The following GNG4 variants were observed in gnomAD, a reference collection of about 807,000 sequenced individuals.
GNG4 encodes G protein subunit gamma 4.
Under a neutral mutation model 5.8 loss-of-function variants are expected in GNG4, and 4 were observed. The ratio of observed to expected loss-of-function variants is 0.69; its 90% confidence interval spans 0.34 to 1.57. The LOEUF (loss-of-function observed/expected upper bound fraction) is 1.57. Ranked by LOEUF, GNG4 falls within the 40% of genes most tolerant of loss-of-function variation. GNG4 has a pLI of 0.06. For synonymous variants in GNG4, 29 were observed against 32.9 expected, an observed-to-expected ratio of 0.88 and a Z score of 0.41; for missense variants, 96 against 95.1, an observed-to-expected ratio of 1.01 and a Z score of -0.04.
intron 2 of GNG4, among the ~76,000 whole-genome samples, chr1:235,587,919 AGT>A (rs1558486793): frequency 6.7e-6 from 1 of 149,896 alleles, no homozygotes; most frequent in Admixed American, 6.6e-5. Flanking sequence ...TGTGGGTATA[AGT>A]GTGAGTCCTT....
At chr1:235,569,859 C>T (rs1687291902) in intron 3 of GNG4, among the ~76,000 whole-genome samples, 1 of 152,122 alleles carries the variant, frequency 6.6e-6, no homozygotes, top group Admixed American at 6.5e-5. Flanking sequence ...AGCCACTGCG[C>T]CTGGCCTCTT....
intron 3 of GNG4, chr1:235,566,994 T>A (rs2102923527): frequency 6.6e-6 from 1 of 152,110 alleles, no homozygotes; most frequent in Admixed American, 6.6e-5. Context: ...CTGGCTGGAG[T>A]GCAGTGGTGA....
At chr1:235,559,749 T>G (rs757930625) in intron 3 of GNG4, among the ~76,000 whole-genome samples, 1 of 152,254 alleles carries the variant, frequency 6.6e-6, no homozygotes, top group Non-Finnish European at 1.5e-5. Context: ...CTCTGAACCC[T>G]TAAGTCAAAT....
At chr1:235,614,475 G>C (rs987989858) in intron 1 of GNG4, among the ~76,000 whole-genome samples, 7 of 151,918 alleles carry the variant, frequency 4.6e-5, no homozygotes, top group African/African-American at 1.7e-4. Flanking sequence ...TAAAGCAAAA[G>C]CTGAGGTCAG....
At chr1:235,575,742 T>C (rs890989407) in intron 3 of GNG4, among the ~76,000 whole-genome samples, 7 of 152,206 alleles carry the variant, frequency 4.6e-5, no homozygotes, top group African/African-American at 1.7e-4. Context: ...CAGAGCCTCA[T>C]GAGCCACAGA....
intron 1 of GNG4, among the ~76,000 whole-genome samples, chr1:235,633,892 C>T (rs1363262577): frequency 1.3e-5 from 2 of 152,192 alleles, no homozygotes; most frequent in South Asian, 4.1e-4. Flanking sequence ...AAAATGTACA[C>T]ATGGCCCAGC....
intron 2 of GNG4, among the ~76,000 whole-genome samples, chr1:235,591,752 G>A (rs1222358066): frequency 6.6e-6 from 1 of 152,214 alleles, no homozygotes; most frequent in Admixed American, 6.5e-5. Context: ...AGGCAAGGGG[G>A]AAAAGGGACC....
chr1:235,598,975 C>A (rs1381345988), intron 1 of GNG4, among the ~76,000 whole-genome samples: 2 of 152,124 alleles, frequency 1.3e-5, no homozygotes, highest in Non-Finnish European at 2.9e-5. Context: ...GATCCGCCTG[C>A]CTTGGCCTCC....
At chr1:235,622,606 C>T (rs868163518) in intron 1 of GNG4, among the ~76,000 whole-genome samples, 11 of 151,982 alleles carry the variant, frequency 7.2e-5, no homozygotes, top group Middle Eastern at 6.8e-3. Context: ...AGGTGGCTCA[C>T]CCAGCACTTT....
intron 1 of GNG4, among the ~76,000 whole-genome samples, chr1:235,632,041 C>G (rs1558503781): frequency 6.6e-6 from 1 of 152,198 alleles, no homozygotes; most frequent in Admixed American, 6.5e-5. Flanking sequence ...TGCTTCCCAG[C>G]TGAACAGCCC....
intron 1 of GNG4, among the ~76,000 whole-genome samples, chr1:235,612,798 C>T (rs1688506724): frequency 6.6e-6 from 1 of 152,226 alleles, no homozygotes; most frequent in African/African-American, 2.4e-5. Context: ...GCTGGGATCA[C>T]AGGCATGAGC....
chr1:235,597,802 T>C (rs1030255434), intron 1 of GNG4, among the ~76,000 whole-genome samples: 1 of 151,990 alleles, frequency 6.6e-6, no homozygotes, highest in African/African-American at 2.4e-5. Context: ...ATTTTTTTTC[T>C]ATTTTTGTAG....
chr1:235,609,273 CA>C (rs1688428223), intron 1 of GNG4, among the ~76,000 whole-genome samples: 1 of 152,168 alleles, frequency 6.6e-6, no homozygotes, highest in Non-Finnish European at 1.5e-5. Context: ...TGCTGATAGA[CA>C]TTTGGGCTGT....
At chr1:235,643,786 A>G (rs967251066) in intron 1 of GNG4, among the ~76,000 whole-genome samples, 2 of 152,260 alleles carry the variant, frequency 1.3e-5, no homozygotes, top group African/African-American at 2.4e-5. Context: ...TCCATGACAA[A>G]GAAAATTTCT....
chr1:235,597,566 GT>G (rs1204906131), intron 1 of GNG4, among the ~76,000 whole-genome samples: 844 of 47,540 alleles, frequency 0.018, 9 homozygotes, highest in African/African-American at 0.034. Flanking sequence ...GTTTTAGTTT[GT>G]TTTTTTTTTT....
At chr1:235,607,695 G>A (rs572385835) in intron 1 of GNG4, among the ~76,000 whole-genome samples, 2 of 152,266 alleles carry the variant, frequency 1.3e-5, no homozygotes, top group South Asian at 4.1e-4. Flanking sequence ...CCATCCCATC[G>A]GCACGGCTTT....
intron 3 of GNG4, among the ~76,000 whole-genome samples, chr1:235,554,388 C>A (rs1278553584): frequency 6.6e-6 from 1 of 152,200 alleles, no homozygotes; most frequent in Non-Finnish European, 1.5e-5. Context: ...ATCCATTGAC[C>A]CCTCTGGCAA....
At chr1:235,622,277 A>T (rs1417429886) in intron 1 of GNG4, among the ~76,000 whole-genome samples, 1 of 152,154 alleles carries the variant, frequency 6.6e-6, no homozygotes, top group East Asian at 1.9e-4. Flanking sequence ...TCTCAGCTTA[A>T]TTTTTAGTCT....
At chr1:235,571,857 AGACAGGGTCTC>A (rs1687351772) in intron 3 of GNG4, among the ~76,000 whole-genome samples, 2 of 152,186 alleles carry the variant, frequency 1.3e-5, no homozygotes, top group South Asian at 4.1e-4. Context: ...AATTATTTTG[AGACAGGGTCTC>A]ACTCTCTCAT....
Sources: gnomAD v4.1 joint callset for allele counts (sites outside exome capture counted in the v4.1 genomes callset) on GRCh38, gnomAD v4.1.1 for gene constraint, MANE v1.5 for transcripts, NCBI Gene and HGNC (gene_info 2026-07-23, HGNC 2026-07-21) for gene names.